CAMKMT: variants seen among roughly 807,000 people sequenced by gnomAD.
CAMKMT encodes calmodulin-lysine N-methyltransferase.
A neutral mutation model predicts 48.0 loss-of-function variants in CAMKMT; 53 were observed. The observed-to-expected ratio is 1.10, with a 90% CI of 0.89 to 1.39. The LOEUF (loss-of-function observed/expected upper bound fraction) is 1.39. Among genes scored for constraint, CAMKMT ranks in the 40% most tolerant of loss-of-function variants. The pLI is 0.00. For synonymous variants in CAMKMT, 165 were observed against 152.3 expected, an observed-to-expected ratio of 1.08 and a Z score of -0.61; for missense variants, 428 against 402.7, an observed-to-expected ratio of 1.06 and a Z score of -0.54.
chr2:44,657,411 A>G lies in CAMKMT; in HGVS notation c.377-46872A>G, dbSNP rs190853341. On this transcript the variant is annotated intron_variant, in intron 3 of 10. Coordinates refer to ENST00000378494, the MANE Select transcript of CAMKMT (RefSeq NM_024766.5). This position sits in a 1 kb window ranked among gnomAD's most constrained non-coding sequence, Gnocchi z 4.3. ...ATCCCCATGAATATTGTGAACCTGA[A>G]GTTCAGAATGACTCTTCCACCCTCC... Among the ~76,000 whole-genome samples, 414 of 152,324 alleles carry G rather than the reference A, an allele frequency of 2.7e-3. 6 individuals carry two copies. Among genetic ancestry groups the G allele is most frequent in the Non-Finnish European group, 2.5e-3 (169 of 68,022 alleles).
intron 3 of CAMKMT, among the ~76,000 whole-genome samples, chr2:44,649,289 T>C (rs1224450281): frequency 6.6e-6 from 1 of 152,132 alleles, no homozygotes; most frequent in Non-Finnish European, 1.5e-5. Context: ...CCACCATTTA[T>C]TGAGTACCTA....
At chr2:44,474,639 C>A (rs1304207567) in intron 3 of CAMKMT, among the ~76,000 whole-genome samples, 2 of 152,108 alleles carry the variant, frequency 1.3e-5, no homozygotes, top group Admixed American at 1.3e-4. Context: ...GACCTATAAT[C>A]TCTAAGGCAG....
intron 3 of CAMKMT, among the ~76,000 whole-genome samples, chr2:44,424,693 C>G (rs1067372): frequency 0.53 from 80,366 of 152,012 alleles, 23,572 homozygotes; most frequent in Non-Finnish European, 0.67. Flanking sequence ...ATCATATGTT[C>G]TCACTCATAA....
chr2:44,702,274 A>T (rs1484859790), intron 3 of CAMKMT, among the ~76,000 whole-genome samples: 2 of 151,982 alleles, frequency 1.3e-5, no homozygotes, highest in African/African-American at 4.8e-5. Flanking sequence ...TTATGTGGAG[A>T]TATGACCGGT....
intron 10 of CAMKMT, among the ~76,000 whole-genome samples, chr2:44,771,251 G>C (rs1243522059): frequency 6.6e-6 from 1 of 151,980 alleles, no homozygotes; most frequent in African/African-American, 2.4e-5. Context: ...AATCTAAAAA[G>C]AAATTAACAA....
rs1043228181 is a variant in CAMKMT at position 44,412,811 on chromosome 2, C to G, written c.376+22506C>G. ...AATAAAGAGGCTGGGCACGGTGGCT[C>G]ACGCCTGTAATCCCAGCACTTTGGG... On this transcript the variant is annotated intron_variant, in intron 3 of 10. Coordinates refer to ENST00000378494, the MANE Select transcript of CAMKMT (RefSeq NM_024766.5). Among the ~76,000 whole-genome samples the G allele has an allele frequency of 4.5e-4, 69 of 152,038 alleles. 1 individual carries two copies. Among genetic ancestry groups the G allele is most frequent in the Non-Finnish European group, 1.3e-4 (9 of 68,004 alleles).
chr2:44,658,107 G>C (rs1038278546), intron 3 of CAMKMT, among the ~76,000 whole-genome samples: 1 of 152,156 alleles, frequency 6.6e-6, no homozygotes, highest in Non-Finnish European at 1.5e-5. Context: ...GCCACTTGTG[G>C]TCATTGAGCC....
At chr2:44,422,997 C>A (rs1300784574) in intron 3 of CAMKMT, among the ~76,000 whole-genome samples, 2 of 152,098 alleles carry the variant, frequency 1.3e-5, no homozygotes, top group African/African-American at 4.8e-5. Flanking sequence ...GATTTTCTTT[C>A]TCATCTTCAC....
chr2:44,443,077 T>C (rs1029597877), intron 3 of CAMKMT, among the ~76,000 whole-genome samples: 1 of 152,244 alleles, frequency 6.6e-6, no homozygotes, highest in East Asian at 1.9e-4. Context: ...ATTTAAAATA[T>C]AGTTCTTTGA....
chr2:44,634,440 A>G (rs1673008073), intron 3 of CAMKMT, among the ~76,000 whole-genome samples: 1 of 152,062 alleles, frequency 6.6e-6, no homozygotes, highest in South Asian at 2.1e-4. Flanking sequence ...CCAATTGTTT[A>G]TAATTGGAGG....
At chr2:44,368,351 C>G (rs973109883) in intron 1 of CAMKMT, among the ~76,000 whole-genome samples, 1 of 152,080 alleles carries the variant, frequency 6.6e-6, no homozygotes, top group Non-Finnish European at 1.5e-5. Context: ...TTATTGATGG[C>G]CTTAAAATAA....
chr2:44,469,534 T>C (rs1668308028), intron 3 of CAMKMT, among the ~76,000 whole-genome samples: 1 of 152,156 alleles, frequency 6.6e-6, no homozygotes. Flanking sequence ...CAGGAGCTCC[T>C]CTTACATGTA....
Position 44,548,281 on chromosome 2 carries a change from C to A in CAMKMT, c.377-156002C>A, listed in dbSNP as rs558344127. 3.1e-3 allele frequency among the ~76,000 whole-genome samples: 468 copies of A among 152,274 alleles called. 2 individuals carry two copies. The highest frequency in any genetic ancestry group is 0.011 in the African/African-American group (452 of 41,560). ...ATGAACATTAGACAAAGACATACGC[C>A]TTCTGTGTTTCTCTGTGAATCCAGA... On this transcript the variant is annotated intron_variant, in intron 3 of 10. Transcript: ENST00000378494.
intron 3 of CAMKMT, among the ~76,000 whole-genome samples, chr2:44,411,191 T>C (rs1432575530): frequency 6.6e-6 from 1 of 152,238 alleles, no homozygotes; most frequent in Non-Finnish European, 1.5e-5. Context: ...GTACATTATA[T>C]TCCTGGGCAT....
At chr2:44,765,541 AAAG>A (rs1465154973) in intron 9 of CAMKMT, among the ~76,000 whole-genome samples, 1 of 151,982 alleles carries the variant, frequency 6.6e-6, no homozygotes, top group East Asian at 1.9e-4. Flanking sequence ...TAAAAAAAAA[AAAG>A]GAGATTCTGA....
At chr2:44,392,732 G>A (rs1364914093) in intron 3 of CAMKMT, among the ~76,000 whole-genome samples, 3 of 151,572 alleles carry the variant, frequency 2.0e-5, no homozygotes, top group Non-Finnish European at 4.4e-5. Flanking sequence ...ATTTTTCCTG[G>A]CCGATTTTTT....
At chr2:44,558,081 A>C (rs1461512033) in intron 3 of CAMKMT, among the ~76,000 whole-genome samples, 4 of 151,384 alleles carry the variant, frequency 2.6e-5, no homozygotes, top group Non-Finnish European at 4.4e-5. Flanking sequence ...ATTCGATGAG[A>C]TCTTGCTCTG....
intron 2 of CAMKMT, among the ~76,000 whole-genome samples, chr2:44,386,260 T>C (rs1159824278): frequency 1.3e-5 from 2 of 152,058 alleles, no homozygotes; most frequent in Non-Finnish European, 2.9e-5. Context: ...GAGGGTTATA[T>C]TTTTCCAGGA....
At chr2:44,473,802 CT>C (rs1290841707) in intron 3 of CAMKMT, among the ~76,000 whole-genome samples, 1 of 152,164 alleles carries the variant, frequency 6.6e-6, no homozygotes, top group Non-Finnish European at 1.5e-5. Flanking sequence ...TACCTAGAGA[CT>C]TGTGGACTTT....
Sources: allele counts gnomAD v4.1 joint callset (sites outside exome capture counted in the v4.1 genomes callset), GRCh38; gene constraint gnomAD v4.1.1; non-coding constraint Gnocchi (gnomAD v3.1); transcripts MANE v1.5; gene names NCBI Gene and HGNC (gene_info 2026-07-23, HGNC 2026-07-21).